Variants in PUSL1 observed in about 807,000 individuals in gnomAD.
PUSL1 encodes the protein tRNA pseudouridine synthase-like 1.
In PUSL1, 51 loss-of-function variants were observed where a neutral mutation model predicts 30.7. The observed-to-expected ratio is 1.66, with a 90% CI of 1.33 to 2.10. The LOEUF is 2.10. Among genes scored for constraint, PUSL1 ranks in the 30% most tolerant of loss-of-function variants. The pLI is 0.00. For missense variants in PUSL1, 609 were observed against 427.6 expected (o/e 1.42, Z -3.74); for synonymous variants, 290 against 192.1 (o/e 1.51, Z -4.21).
chr1:1,310,254 C>G (rs1570689059), intron 5 of PUSL1: 1 of 339,564 alleles, frequency 2.9e-6, no homozygotes, highest in Admixed American at 4.5e-5. Flanking sequence ...GGGGGAAGAA[C>G]TTCTGCCAGC....
rs1641984570 is a variant in PUSL1 at position 1,309,621 on chromosome 1, A to T, written c.473+18A>T. The T allele has an allele frequency of 5.6e-6, 9 of 1,598,832 alleles. No homozygotes were observed. In the Admixed American group the frequency reaches 1.3e-4, roughly 24 times the overall value. ...CCGGCAGAGTGAGTGTGGCCCTGAC[A>T]GCGGGGAGGGGGCGGGCAGGCCGGC... On this transcript the variant is annotated intron_variant, in intron 4 of 7. Coordinates refer to ENST00000379031, the MANE Select transcript of PUSL1 (RefSeq NM_153339.3).
chr1:1,311,202 G>T, intron 7 of PUSL1, 128 bp from the exon 8 acceptor site: 2 of 1,415,498 alleles, frequency 1.4e-6, no homozygotes, highest in Non-Finnish European at 1.9e-6. Context: ...CAGGGCTGCA[G>T]TCCCTCAGGC....
In PUSL1 at chr1:1,309,531, T is replaced by C. The variant is rs753142532; in HGVS notation, c.401T>C (p.Leu134Pro). 2 of 1,611,764 alleles carry C rather than the reference T, an allele frequency of 1.2e-6. No homozygotes were observed. The highest frequency in any genetic ancestry group is 3.3e-5 in the Admixed American group (2 of 59,938). The change falls in exon 4 of 8, where the codon CTG becomes CCG. Residue 134 changes from leucine to proline, a missense_variant. Coordinates refer to ENST00000379031, the MANE Select transcript of PUSL1 (RefSeq NM_153339.3). Reference protein sequence around the residue: ...AATSRTYLYRLATGCHRRDEL... With the variant: ...AATSRTYLYRPATGCHRRDEL... Reference sequence around the variant, plus strand: ...ACGTCCCGGACCTACCTGTACCGCCTGGCCACTGGCTGTCACCGGCGTGAT... The same window carrying C: ...ACGTCCCGGACCTACCTGTACCGCCCGGCCACTGGCTGTCACCGGCGTGAT...
intron 5 of PUSL1, 100 bp downstream of exon 5, chr1:1,309,951 A>C (rs1642024105): frequency 2.0e-6 from 2 of 1,022,622 alleles, no homozygotes; most frequent in East Asian, 2.7e-5. Flanking sequence ...GGCGGGAGGC[A>C]GGCAGCCGGG....
Position 1,310,682 on chromosome 1 carries a change from T to C in PUSL1, c.693T>C (p.Tyr231=), listed in dbSNP as rs563462883. The C allele has an allele frequency of 1.2e-6, 2 of 1,606,522 alleles. No individual in the cohort carries two copies. The highest frequency in any genetic ancestry group is 1.1e-5 in the South Asian group (1 of 90,908). The change falls in exon 6 of 8, where the codon TAT becomes TAC. Residue 231 remains tyrosine (Y), a synonymous_variant. Transcript: ENST00000379031. ...NLEFESQSFL[Y]RQVRRMTAVL... Reference sequence around the variant, plus strand: ...AGTTTGAGAGCCAGTCTTTCCTGTATAGACAGGTAGGCTCTGTTCTGGGGC... The same window carrying C: ...AGTTTGAGAGCCAGTCTTTCCTGTACAGACAGGTAGGCTCTGTTCTGGGGC...
At position 1,309,788 on chromosome 1, in the gene PUSL1, C is replaced by A; in HGVS notation, c.581C>A (p.Thr194Lys). ...AGCCCGGTGCCGAGCCCCGTGCGAACGCTGCGCCGGGTCTCCGTTTCCCCA... is the reference window on the plus strand; with the variant it reads ...AGCCCGGTGCCGAGCCCCGTGCGAAAGCTGCGCCGGGTCTCCGTTTCCCCA... ...AGSPVPSPVR[T>K]LRRVSVSPGQ... The change falls in exon 5 of 8, where the codon ACG (threonine) becomes AAG (lysine). Residue 194 changes from threonine to lysine, a missense_variant. Coordinates refer to ENST00000379031, the MANE Select transcript of PUSL1 (RefSeq NM_153339.3). The A allele has an allele frequency of 6.4e-7, 1 of 1,559,946 alleles. No homozygotes were observed. The highest frequency in any genetic ancestry group is 8.7e-7 in the Non-Finnish European group (1 of 1,152,236).
intron 3 of PUSL1, 52 bp downstream of exon 3, chr1:1,309,325 G>T: frequency 6.9e-7 from 1 of 1,449,248 alleles, no homozygotes; most frequent in Non-Finnish European, 9.2e-7. Flanking sequence ...GACTCCATCT[G>T]TCGCGGGCGG....
chr1:1,308,953 G>T lies in PUSL1; in HGVS notation c.116G>T (p.Gly39Val). The T allele has an allele frequency of 7.0e-7, 1 of 1,422,464 alleles. No individual in the cohort carries two copies. Among genetic ancestry groups the T allele is most frequent in the East Asian group, 2.8e-5 (1 of 35,192 alleles). The allele number at this position is 1,422,464 out of a possible 1,614,324, so 88.1% of individuals were successfully genotyped here. Residue 39 changes from glycine to valine, a missense_variant, in exon 2 of 8, where the codon GGG (glycine) becomes GTG (valine). Gly to Val is a moderately radical substitution (Grantham distance 109). Coordinates refer to ENST00000379031, the MANE Select transcript of PUSL1 (RefSeq NM_153339.3). ...GTCAGGGGCACTCAGCGCGCCGTCG[G>T]GGTCCAGAACTACCTGGAGGTGCGC... ...AAVRGTQRAV[G>V]VQNYLEEAAE...
At chr1:1,309,883 C>T (rs753750317) in intron 5 of PUSL1, 32 bp downstream of exon 5, 8 of 1,446,234 alleles carry the variant, frequency 5.5e-6, no homozygotes, top group South Asian at 4.2e-5. Flanking sequence ...GTGGCCCTGC[C>T]CTCAAGTCAC....
At chr1:1,309,049 C>G (rs965575983) in intron 2 of PUSL1, 37 bp from the exon 3 acceptor site, 55 of 1,401,102 alleles carry the variant, frequency 3.9e-5, no homozygotes, top group South Asian at 1.3e-4. Context: ...GGGGTCCGGC[C>G]TCGCTCACCC....
chr1:1,311,333 C>G lies in PUSL1; in HGVS notation c.866C>G (p.Ala289Gly), dbSNP rs1642138402. ...GCAGGGTCTGGTCCGTCCACAGGTG[C>G]TGCCTCCTGCACCCTGCAGGGGCCA... is the stretch of plus-strand genomic sequence containing the variant. The part of the protein sequence containing the change: ...LKSVLYGNLG[A>G]ASCTLQGPQF... Residue 289 changes from alanine to glycine, a missense_variant, in exon 8 of 8, where the codon GCT (alanine) becomes GGT (glycine). Transcript: ENST00000379031. The G allele has an allele frequency of 2.5e-6, 4 of 1,576,224 alleles. No homozygotes were observed. The highest frequency in any genetic ancestry group is 2.7e-5 in the African/African-American group (2 of 74,422).
rs759759366 is a variant in PUSL1, at chr1:1,311,380, C to A, written c.*1C>A. The A allele has an allele frequency of 2.3e-5, 37 of 1,602,654 alleles. No individual in the cohort carries two copies. Among genetic ancestry groups the A allele is most frequent in the Non-Finnish European group, 3.1e-5 (37 of 1,174,866 alleles). ...GCCACAGTTCGGGAGCCACGGATGA[C>A]CCTGGACACTCAAGCCAAAGTTAGG... On this transcript the variant is annotated 3_prime_UTR_variant, in exon 8 of 8. Coordinates refer to ENST00000379031, the MANE Select transcript of PUSL1 (RefSeq NM_153339.3).
intron 7 of PUSL1, 120 bp downstream of exon 7, chr1:1,311,191 C>G (rs984962916): frequency 1.4e-6 from 2 of 1,423,324 alleles, no homozygotes; most frequent in Non-Finnish European, 1.9e-6. Flanking sequence ...AGCCCCCCGC[C>G]CAGGGCTGCA....
intron 6 of PUSL1, 55 bp downstream of exon 6, chr1:1,310,743 C>T: frequency 6.2e-7 from 1 of 1,603,784 alleles, no homozygotes; most frequent in South Asian, 1.1e-5. Context: ...TGGGCAGGCC[C>T]CTGTGCAGTC....
At chr1:1,309,008 G>C (rs752812628) in intron 2 of PUSL1, 36 bp downstream of exon 2, 1 of 1,395,102 alleles carries the variant, frequency 7.2e-7, no homozygotes, top group East Asian at 2.9e-5. Flanking sequence ...CCGGTGAGGG[G>C]TAAGGGGGAG....
chr1:1,310,701 C>G lies in PUSL1; in HGVS notation c.699+13C>G. On this transcript the variant is annotated intron_variant, in intron 6 of 7. Transcript: ENST00000379031. ...CCTGTATAGACAGGTAGGCTCTGTT[C>G]TGGGGCCGTCCCCAGGGGGTGGGGC... The G allele has an allele frequency of 6.2e-7, 1 of 1,611,528 alleles. No individual in the cohort carries two copies. Among genetic ancestry groups the G allele is most frequent in the South Asian group, 1.1e-5 (1 of 90,996 alleles).
chr1:1,309,350 G>A (rs1020461126), intron 3 of PUSL1, 77 bp downstream of exon 3: 74 of 1,465,568 alleles, frequency 5.0e-5, no homozygotes, highest in Non-Finnish European at 5.9e-5. Context: ...TGGAGATCTG[G>A]ACAGACTTCC....
intron 3 of PUSL1, 57 bp from the exon 4 acceptor site, chr1:1,309,397 T>C (rs1641963074): frequency 6.6e-7 from 1 of 1,525,250 alleles, no homozygotes; most frequent in South Asian, 1.2e-5. Context: ...GGAGAGCCAA[T>C]GTGACACCGC....
intron 3 of PUSL1, 57 bp from the exon 4 acceptor site, chr1:1,309,397 T>TGTGACACCGCGGGGC: frequency 1.3e-6 from 2 of 1,525,250 alleles, no homozygotes; most frequent in Non-Finnish European, 1.8e-6. Flanking sequence ...GGAGAGCCAA[T>TGTGACACCGCGGGGC]GTGACACCGC....
Sources: allele counts gnomAD v4.1 joint callset, GRCh38; gene constraint gnomAD v4.1.1; transcripts MANE v1.5; gene names NCBI Gene and HGNC (gene_info 2026-07-23, HGNC 2026-07-21).